ARL2: variants seen among roughly 807,000 people sequenced by gnomAD.
ARL2 encodes the protein ARF like GTPase 2.
Under a neutral mutation model 22.0 loss-of-function variants are expected in ARL2, and 11 were observed. The ratio of observed to expected loss-of-function variants is 0.50; its 90% CI spans 0.31 to 0.83. ARL2 has a LOEUF of 0.83. ARL2 is among the 40% of genes least tolerant of loss of function. ARL2 has a pLI of 0.04. For missense variants in ARL2, 216 were observed against 243.2 expected (o/e 0.89, Z 0.74); for synonymous variants, 111 against 100.8 (o/e 1.10, Z -0.61).
chr11:65,020,909 G>T (rs999698037), intron 4 of ARL2, among the ~76,000 whole-genome samples: 5 of 150,552 alleles, frequency 3.3e-5, no homozygotes, highest in South Asian at 2.1e-4. Flanking sequence ...ATAATAATAA[G>T]AAAAGCATTT....
intron 1 of ARL2, 87 bp downstream of exon 1, chr11:65,014,359 G>T (rs768502463): frequency 1.9e-4 from 223 of 1,187,994 alleles, no homozygotes; most frequent in Non-Finnish European, 2.4e-4. Context: ...AGCGGAACGC[G>T]GCGGCCGGCG....
Position 65,018,491 on chromosome 11 carries a change from T to C in ARL2, c.176+17T>C, listed in dbSNP as rs1946286168. The C allele has an allele frequency of 1.2e-6, 2 of 1,604,708 alleles. No individual in the cohort carries two copies. Among genetic ancestry groups the C allele is most frequent in the African/African-American group, 2.7e-5 (2 of 74,806 alleles). ...GCACCGAGGGTGAGCAGGGGCCCCA[T>C]GGGAGGGCCAGCCCAGAGCAGGGCA... On this transcript the variant is annotated intron_variant, in intron 2 of 4. Coordinates refer to ENST00000246747, the MANE Select transcript of ARL2 (RefSeq NM_001667.4). The surrounding 1 kb of genome is among the most constrained non-coding windows in gnomAD (Gnocchi z 4.2).
rs774685532 is a variant in ARL2, at chr11:65,021,701, C to T, written c.421-20C>T. The T allele has an allele frequency of 7.8e-5, 123 of 1,585,546 alleles. No homozygotes were observed. Among genetic ancestry groups the T allele is most frequent in the Non-Finnish European group, 9.9e-5 (115 of 1,165,826 alleles). ...GTCTGCAGTCACTGGCCACCACCAT[C>T]AGCACCTTTGTCCTCCCAGGTCCTG... On this transcript the variant is annotated intron_variant, in intron 4 of 4. Coordinates refer to ENST00000246747, the MANE Select transcript of ARL2 (RefSeq NM_001667.4).
Position 65,018,988 on chromosome 11 carries a change from C to A in ARL2, c.339+255C>A. 1 of 1,429,258 alleles carries A rather than the reference C, an allele frequency of 7.0e-7. No homozygotes were observed. The highest frequency in any genetic ancestry group is 9.3e-7 in the Non-Finnish European group (1 of 1,070,944). 88.5% of individuals were successfully genotyped at this position (1,429,258 alleles called of 1,614,324 possible). ...ATGCCTTGAAATGGTGATGATGACACCCACATCACTGGGCTTTAGGGAGGA... is the reference window on the plus strand; with the variant it reads ...ATGCCTTGAAATGGTGATGATGACAACCACATCACTGGGCTTTAGGGAGGA... On this transcript the variant is annotated intron_variant, in intron 3 of 4. Coordinates refer to ENST00000246747, the MANE Select transcript of ARL2 (RefSeq NM_001667.4). This position sits in a 1 kb window ranked among gnomAD's most constrained non-coding sequence, Gnocchi z 4.2.
chr11:65,014,389 G>T, intron 1 of ARL2, 117 bp downstream of exon 1: 1 of 809,066 alleles, frequency 1.2e-6, no homozygotes, highest in Middle Eastern at 3.0e-4. Flanking sequence ...TGCCCCTGGC[G>T]TCACCACGCG....
Position 65,021,822 on chromosome 11 carries a change from T to A in ARL2, c.522T>A (p.Asp174Glu). The A allele has an allele frequency of 6.2e-7, 1 of 1,613,438 alleles. No homozygotes were observed. Among genetic ancestry groups the A allele is most frequent in the Non-Finnish European group, 8.5e-7 (1 of 1,179,896 alleles). Residue 174 changes from aspartate to glutamate, a missense_variant, in exon 5 of 5, where the codon GAT becomes GAA. Physicochemically the swap from Asp to Glu is conservative, Grantham distance 45 (BLOSUM62 2). Coordinates refer to ENST00000246747, the MANE Select transcript of ARL2 (RefSeq NM_001667.4). The part of the protein sequence containing the change: ...NLLPGIDWLL[D>E]DISSRIFTAD ...TGCCGGGCATCGACTGGCTCCTGGA[T>A]GACATTTCCAGCCGCATTTTCACAG...
Position 65,020,496 on chromosome 11 carries a change from C to G in ARL2, c.417C>G (p.Arg139=). The change falls in exon 4 of 5, where the codon CGC becomes CGG. Residue 139 remains arginine, a synonymous_variant. Transcript: ENST00000246747. ...LPGALSSNAI[R]EVLELDSIRS... is the part of the protein sequence containing the mutation. ...GAGCACTGTCCTCTAACGCCATCCG[C>G]GAGGTGAGTCCAGGCCCCGGGACAG... The G allele has an allele frequency of 6.2e-7, 1 of 1,608,724 alleles. No homozygotes were observed. The highest frequency in any genetic ancestry group is 1.1e-5 in the South Asian group (1 of 90,104).
intron 1 of ARL2, among the ~76,000 whole-genome samples, chr11:65,015,700 C>T (rs965750493): frequency 4.0e-5 from 6 of 151,868 alleles, no homozygotes; most frequent in African/African-American, 1.5e-4. Context: ...GTGGGAGGTT[C>T]GCTTGAGCCC....
intron 3 of ARL2, chr11:65,019,118 T>C: frequency 2.5e-6 from 1 of 393,120 alleles, no homozygotes; most frequent in South Asian, 2.1e-5. Flanking sequence ...GCACCTATAG[T>C]CCTAGCTACT....
At chr11:65,020,972 G>T (rs1946321439) in intron 4 of ARL2, among the ~76,000 whole-genome samples, 1 of 152,228 alleles carries the variant, frequency 6.6e-6, no homozygotes, top group Non-Finnish European at 1.5e-5. Flanking sequence ...TGGGGATCCA[G>T]TGATTAATAA....
intron 1 of ARL2, among the ~76,000 whole-genome samples, chr11:65,017,588 G>T (rs1446025877): frequency 1.3e-5 from 2 of 152,160 alleles, no homozygotes; most frequent in African/African-American, 4.8e-5. Context: ...GATGGCTTGG[G>T]GGCAGGGGGT....
intron 4 of ARL2, 48 bp downstream of exon 4, chr11:65,020,547 T>A (rs1946315868): frequency 6.7e-7 from 1 of 1,488,538 alleles, no homozygotes. Flanking sequence ...GGGGCATACA[T>A]TTATTTATTT....
At position 65,018,487 on chromosome 11, in the gene ARL2, C is replaced by T. The variant is rs752554416; in HGVS notation, c.176+13C>T. ...TGGAGCACCGAGGGTGAGCAGGGGCCCCATGGGAGGGCCAGCCCAGAGCAG... is the reference window on the plus strand; with the variant it reads ...TGGAGCACCGAGGGTGAGCAGGGGCTCCATGGGAGGGCCAGCCCAGAGCAG... On this transcript the variant is annotated intron_variant, in intron 2 of 4. Coordinates refer to ENST00000246747, the MANE Select transcript of ARL2 (RefSeq NM_001667.4). This position sits in a 1 kb window ranked among gnomAD's most constrained non-coding sequence, Gnocchi z 4.2. 2.5e-6 allele frequency: 4 copies of T among 1,605,104 alleles called. No homozygotes were observed. Among genetic ancestry groups the T allele is most frequent in the East Asian group, 2.2e-5 (1 of 44,630 alleles).
chr11:65,014,713 C>G (rs370714948), intron 1 of ARL2, among the ~76,000 whole-genome samples: 1 of 152,232 alleles, frequency 6.6e-6, no homozygotes, highest in African/African-American at 2.4e-5. Flanking sequence ...TCCGCGGATC[C>G]TTTCGAGCGT....
chr11:65,018,659 T>C lies in ARL2; in HGVS notation c.265T>C (p.Trp89Arg). 1 of 1,614,224 alleles carries C rather than the reference T, an allele frequency of 6.2e-7. No homozygotes were observed. The highest frequency in any genetic ancestry group is 8.5e-7 in the Non-Finnish European group (1 of 1,180,036). ...CTTTGAGAGCACCGATGGCCTCATC[T>C]GGGTAGTGGACAGCGCAGACCGCCA... ...NYFESTDGLIWVVDSADRQRM... is the reference protein window; with the variant it reads ...NYFESTDGLIRVVDSADRQRM... The change falls in exon 3 of 5, where the codon TGG becomes CGG. Residue 89 changes from tryptophan to arginine, a missense_variant. Physicochemically the swap from Trp to Arg is moderately radical, Grantham distance 101. Transcript: ENST00000246747. The surrounding 1 kb of genome is among the most constrained non-coding windows in gnomAD (Gnocchi z 4.2).
intron 1 of ARL2, among the ~76,000 whole-genome samples, chr11:65,015,336 C>T (rs991543130): frequency 1.3e-5 from 2 of 152,174 alleles, no homozygotes; most frequent in Admixed American, 6.5e-5. Flanking sequence ...AGGCTGTTCT[C>T]GAATTCCTGA....
chr11:65,021,442 G>A, intron 4 of ARL2: 1 of 383,164 alleles, frequency 2.6e-6, no homozygotes, highest in East Asian at 3.9e-5. Flanking sequence ...GGGTGTGTGG[G>A]GCTCCTAGCA....
chr11:65,020,508 A>T lies in ARL2; in HGVS notation c.420+9A>T. On this transcript the variant is annotated intron_variant, in intron 4 of 4. Coordinates refer to ENST00000246747, the MANE Select transcript of ARL2 (RefSeq NM_001667.4). ...CTAACGCCATCCGCGAGGTGAGTCC[A>T]GGCCCCGGGACAGGCTCGCTGAGGG... 1 of 1,604,518 alleles carries T rather than the reference A, an allele frequency of 6.2e-7. No homozygotes were observed. Among genetic ancestry groups the T allele is most frequent in the East Asian group, 2.2e-5 (1 of 44,476 alleles).
At chr11:65,019,761 T>C (rs1946305242) in intron 3 of ARL2, among the ~76,000 whole-genome samples, 2 of 152,174 alleles carry the variant, frequency 1.3e-5, no homozygotes, top group South Asian at 2.1e-4. Context: ...GGCTACAAAA[T>C]TGCATTTAGT....
Sources: allele counts gnomAD v4.1 joint callset (sites outside exome capture counted in the v4.1 genomes callset), GRCh38; gene constraint gnomAD v4.1.1; non-coding constraint Gnocchi (gnomAD v3.1); transcripts MANE v1.5; gene names NCBI Gene and HGNC (gene_info 2026-07-23, HGNC 2026-07-21).